Variants in SYT1 observed in about 807,000 individuals in gnomAD.
The protein encoded by SYT1 is synaptotagmin 1.
Under a neutral mutation model 44.8 loss-of-function variants are expected in SYT1, and 8 were observed. The observed-to-expected ratio is 0.18, with a 90% confidence interval of 0.10 to 0.32. The LOEUF (loss-of-function observed/expected upper bound fraction) is 0.32. SYT1 is among the 10% of genes least tolerant of loss of function. The probability of loss-of-function intolerance (pLI) is 1.00; values close to 1 mark genes in which losing one functional copy is unlikely to be tolerated. For synonymous variants in SYT1, 154 were observed against 188.8 expected, an observed-to-expected ratio of 0.82 and a Z score of 1.51; for missense variants, 286 against 509.3, an observed-to-expected ratio of 0.56 and a Z score of 4.22.
chr12:79,120,962 T>TATAC (rs1565815265), intron 3 of SYT1, among the ~76,000 whole-genome samples: 12 of 150,060 alleles, frequency 8.0e-5, no homozygotes, highest in African/African-American at 2.9e-4. Context: ...TAGATATATA[T>TATAC]ACACACACAC....
chr12:79,287,833 C>G (rs1879386605), intron 5 of SYT1, among the ~76,000 whole-genome samples: 1 of 152,008 alleles, frequency 6.6e-6, no homozygotes, highest in Non-Finnish European at 1.5e-5. Context: ...CATTGATGAT[C>G]TATTTTTTGG....
chr12:79,188,556 A>T (rs1231016849), intron 3 of SYT1, among the ~76,000 whole-genome samples: 1 of 152,114 alleles, frequency 6.6e-6, no homozygotes, highest in Non-Finnish European at 1.5e-5. Flanking sequence ...GTGTTTTCAC[A>T]ACTTTTTTTT....
chr12:79,387,761 A>G (rs1036073448), intron 9 of SYT1, among the ~76,000 whole-genome samples: 5 of 152,214 alleles, frequency 3.3e-5, no homozygotes, highest in Admixed American at 6.5e-5. Context: ...TGGGGATACC[A>G]ATTAAGATTT....
At position 78,993,425 on chromosome 12, in the gene SYT1, C is replaced by G. The variant is rs188177176; in HGVS notation, c.-84+15494C>G. ...CAAGTTGATGCATCAAGGCAGCTAT[C>G]CTTGAAGATATAAAGCCTATGACAT... On this transcript the variant is annotated intron_variant, in intron 2 of 10. Transcript: ENST00000261205. Among the ~76,000 whole-genome samples, 5 of 152,282 alleles carry G rather than the reference C, an allele frequency of 3.3e-5. 1 individual carries two copies. The highest frequency in any genetic ancestry group is 7.4e-5 in the Non-Finnish European group (5 of 68,018).
intron 9 of SYT1, among the ~76,000 whole-genome samples, chr12:79,424,694 T>G (rs1200428351): frequency 6.6e-6 from 1 of 152,192 alleles, no homozygotes; most frequent in Non-Finnish European, 1.5e-5. Flanking sequence ...CATTAATAGT[T>G]CCTAAACACA....
intron 3 of SYT1, among the ~76,000 whole-genome samples, chr12:79,196,668 A>T (rs1873482999): frequency 6.6e-6 from 1 of 152,214 alleles, no homozygotes; most frequent in Non-Finnish European, 1.5e-5. Flanking sequence ...AAAGCTTCAG[A>T]TCAGAACTAA....
chr12:79,211,557 A>T (rs1451592795), intron 3 of SYT1, among the ~76,000 whole-genome samples: 2 of 151,448 alleles, frequency 1.3e-5, no homozygotes, highest in Non-Finnish European at 2.9e-5. Flanking sequence ...ATCATCTAGC[A>T]TTAGGTATAT....
At chr12:79,138,710 T>G (rs1228889465) in intron 3 of SYT1, among the ~76,000 whole-genome samples, 4 of 152,216 alleles carry the variant, frequency 2.6e-5, no homozygotes. Context: ...CTGGCATACA[T>G]GTAGTAGGTT....
At chr12:78,927,448 T>C (rs1446922746) in intron 1 of SYT1, among the ~76,000 whole-genome samples, 2 of 152,162 alleles carry the variant, frequency 1.3e-5, no homozygotes, top group African/African-American at 4.8e-5. Flanking sequence ...GTGTGCGTCA[T>C]TTAAAAAATT....
chr12:78,980,040 TGAG>T (rs1225620562), intron 2 of SYT1, among the ~76,000 whole-genome samples: 4 of 152,192 alleles, frequency 2.6e-5, no homozygotes, highest in Non-Finnish European at 4.4e-5. Flanking sequence ...TTCTTTGGGC[TGAG>T]ATTTTTCCAT....
intron 3 of SYT1, among the ~76,000 whole-genome samples, chr12:79,208,279 G>C (rs143908406): frequency 5.4e-4 from 82 of 152,236 alleles, no homozygotes; most frequent in African/African-American, 1.8e-3. Flanking sequence ...ATGGGAGGAA[G>C]GGTCAGCAAG....
chr12:79,127,225 T>A (rs1035908262), intron 3 of SYT1, among the ~76,000 whole-genome samples: 2 of 152,258 alleles, frequency 1.3e-5, no homozygotes, highest in Non-Finnish European at 2.9e-5. Flanking sequence ...CCCAGAGGCA[T>A]AAACAAGCTC....
At chr12:79,412,812 ACTAT>A (rs1565947262) in intron 9 of SYT1, among the ~76,000 whole-genome samples, 1 of 152,110 alleles carries the variant, frequency 6.6e-6, no homozygotes, top group African/African-American at 2.4e-5. Context: ...TTGTTACCCT[ACTAT>A]CTGAGTATAT....
In SYT1 at chr12:79,117,685, AT is replaced by A. The variant is rs1178652409; in HGVS notation, c.-18+70324del. ...ATCATATATATATATATATATATAT[AT>A]ATATATATATATATATATATATATA... On this transcript the variant is annotated intron_variant, in intron 3 of 10. Transcript: ENST00000261205. Among the ~76,000 whole-genome samples, 84 of 76,300 alleles carry A rather than the reference AT, an allele frequency of 1.1e-3. 2 individuals carry two copies. Among genetic ancestry groups the A allele is most frequent in the Non-Finnish European group, 1.9e-3 (71 of 36,808 alleles). 50.1% of individuals were successfully genotyped at this position (76,300 alleles called of 152,430 possible).
chr12:79,311,823 A>T (rs1880813671), intron 8 of SYT1, among the ~76,000 whole-genome samples: 1 of 140,346 alleles, frequency 7.1e-6, no homozygotes, highest in Admixed American at 7.4e-5. Flanking sequence ...AACAATGAGA[A>T]CACATGGACA....
chr12:79,076,614 T>C (rs906587159), intron 3 of SYT1, among the ~76,000 whole-genome samples: 2 of 152,168 alleles, frequency 1.3e-5, no homozygotes, highest in South Asian at 2.1e-4. Context: ...ATTATAAATA[T>C]AAAACATTCA....
chr12:79,022,731 T>A (rs1872278401), intron 2 of SYT1, among the ~76,000 whole-genome samples: 1 of 151,812 alleles, frequency 6.6e-6, no homozygotes, highest in African/African-American at 2.4e-5. Flanking sequence ...TAGATGCAGC[T>A]CACACACATA....
At chr12:79,317,500 G>A (rs529829237) in intron 8 of SYT1, among the ~76,000 whole-genome samples, 206 of 152,262 alleles carry the variant, frequency 1.4e-3, no homozygotes, top group Non-Finnish European at 1.9e-3. Context: ...CCTTGCTCCT[G>A]GGCTTCAGGA....
chr12:79,033,669 G>A (rs980590358), intron 2 of SYT1, among the ~76,000 whole-genome samples: 6 of 151,310 alleles, frequency 4.0e-5, no homozygotes, highest in Admixed American at 2.0e-4. Context: ...TCCAACTTCC[G>A]AACATCTAAA....
Sources: allele counts gnomAD v4.1 joint callset (sites outside exome capture counted in the v4.1 genomes callset), GRCh38; gene constraint gnomAD v4.1.1; transcripts MANE v1.5; gene names NCBI Gene and HGNC (gene_info 2026-07-23, HGNC 2026-07-21).